CDH13: variants seen among roughly 807,000 people sequenced by gnomAD.
CDH13 encodes cadherin-13.
CDH13 carries 24 observed loss-of-function variants against 63.8 expected under a neutral mutation model. That is an observed-to-expected ratio of 0.38 (90% CI 0.27 to 0.53). The LOEUF is 0.53. Ranked by LOEUF, CDH13 falls within the 20% of genes least tolerant of loss-of-function variation. CDH13 has a pLI of 0.85. For synonymous variants in CDH13, 503 were observed against 355.3 expected (o/e 1.42, Z -4.67); for missense variants, 1,049 against 903.1 (o/e 1.16, Z -2.07).
intron 7 of CDH13, among the ~76,000 whole-genome samples, chr16:83,602,208 C>T (rs192230319): frequency 7.0e-6 from 1 of 143,254 alleles, no homozygotes; most frequent in Non-Finnish European, 1.5e-5. Context: ...AAATGTCTCC[C>T]TAAAAAAGAA....
intron 3 of CDH13, among the ~76,000 whole-genome samples, chr16:83,061,924 C>G (rs1040502491): frequency 6.6e-6 from 1 of 152,140 alleles, no homozygotes; most frequent in African/African-American, 2.4e-5. Flanking sequence ...GAAGGAGAGG[C>G]CCTCTAGAGA....
At chr16:83,201,663 T>C (rs868023160) in intron 4 of CDH13, among the ~76,000 whole-genome samples, 1 of 151,378 alleles carries the variant, frequency 6.6e-6, no homozygotes, top group Non-Finnish European at 1.5e-5. Context: ...TTTGGGAGGC[T>C]GAGGCGGGCA....
chr16:83,201,777 C>T (rs890630392), intron 4 of CDH13, among the ~76,000 whole-genome samples: 5 of 151,242 alleles, frequency 3.3e-5, no homozygotes, highest in Non-Finnish European at 7.4e-5. Context: ...ATTAGCCGGG[C>T]GTGGTAGCGG....
At chr16:83,179,815 T>C (rs1447677470) in intron 4 of CDH13, among the ~76,000 whole-genome samples, 1 of 152,152 alleles carries the variant, frequency 6.6e-6, no homozygotes, top group East Asian at 1.9e-4. Flanking sequence ...TGACTTATAT[T>C]TTCCACTTAA....
At chr16:82,981,089 G>A (rs557521060) in intron 2 of CDH13, among the ~76,000 whole-genome samples, 1 of 152,136 alleles carries the variant, frequency 6.6e-6, no homozygotes, top group East Asian at 1.9e-4. Context: ...CATTCTAGGT[G>A]GTTTCCAAAA....
chr16:83,006,691 T>G (rs9926878), intron 2 of CDH13, among the ~76,000 whole-genome samples: 59,653 of 151,916 alleles, frequency 0.39, 11,885 homozygotes, highest in Middle Eastern at 0.43. Context: ...AGTTTGAAGC[T>G]AGCCAGGAGC....
rs1228596891 is a variant in CDH13 at position 82,769,252 on chromosome 16, AATC to A, written c.46-89105_46-89103del. On this transcript the variant is annotated intron_variant, in intron 1 of 13. Transcript: ENST00000567109. ...GCTTGAAAGCGTGCTGCAACAAATA[AATC>A]ATCAAAGTTGCAGGTATACTTAAAC... is the stretch of plus-strand genomic sequence containing the variant. Among the ~76,000 whole-genome samples the A allele has an allele frequency of 5.9e-5, 9 of 152,160 alleles. No individual in the cohort carries two copies. The East Asian group carries it at 1.7e-3, about 29-fold the overall frequency.
At chr16:83,636,705 G>C (rs1911295271) in intron 8 of CDH13, among the ~76,000 whole-genome samples, 1 of 152,176 alleles carries the variant, frequency 6.6e-6, no homozygotes, top group South Asian at 2.1e-4. Flanking sequence ...GTTGTGTATA[G>C]TGCTGCAATG....
At chr16:82,899,668 T>C (rs565086499) in intron 2 of CDH13, among the ~76,000 whole-genome samples, 324 of 152,268 alleles carry the variant, frequency 2.1e-3, no homozygotes, top group Non-Finnish European at 3.3e-3. Flanking sequence ...ATTGAGAGCA[T>C]TTTTGCACTG....
intron 1 of CDH13, among the ~76,000 whole-genome samples, chr16:82,720,392 C>G (rs2032690491): frequency 6.6e-6 from 1 of 152,096 alleles, no homozygotes; most frequent in African/African-American, 2.4e-5. Flanking sequence ...TTAATTAATT[C>G]ACCTTCCAAA....
At chr16:82,748,283 C>A (rs2034266604) in intron 1 of CDH13, among the ~76,000 whole-genome samples, 1 of 152,216 alleles carries the variant, frequency 6.6e-6, no homozygotes, top group Non-Finnish European at 1.5e-5. Flanking sequence ...TTCATGTTCC[C>A]ATCCAGAAGA....
intron 2 of CDH13, among the ~76,000 whole-genome samples, chr16:82,882,895 G>A (rs750294216): frequency 1.3e-5 from 2 of 152,122 alleles, no homozygotes; most frequent in Non-Finnish European, 2.9e-5. Context: ...TTCTTAAAAT[G>A]GAGCTGTTTA....
intron 1 of CDH13, among the ~76,000 whole-genome samples, chr16:82,777,603 C>T (rs549065260): frequency 6.6e-6 from 1 of 152,206 alleles, no homozygotes; most frequent in African/African-American, 2.4e-5. Flanking sequence ...CACCCCAAAA[C>T]TTAGCAGCTT....
At chr16:82,659,340 A>G (rs1047642372) in intron 1 of CDH13, among the ~76,000 whole-genome samples, 1 of 152,212 alleles carries the variant, frequency 6.6e-6, no homozygotes, top group African/African-American at 2.4e-5. Flanking sequence ...GGTATAGGTC[A>G]TAATCCTGGA....
chr16:83,374,274 G>T (rs915554388), intron 6 of CDH13, among the ~76,000 whole-genome samples: 3 of 152,130 alleles, frequency 2.0e-5, no homozygotes, highest in Non-Finnish European at 4.4e-5. Context: ...CCAGGTAAAA[G>T]GTTTCTTGCA....
At chr16:83,306,278 G>C (rs111383440) in intron 5 of CDH13, among the ~76,000 whole-genome samples, 43 of 152,186 alleles carry the variant, frequency 2.8e-4, no homozygotes, top group Non-Finnish European at 6.2e-4. Context: ...TCCCACCAAG[G>C]CTTATGTAGA....
At chr16:83,555,158 AAG>A (rs1414087350) in intron 7 of CDH13, among the ~76,000 whole-genome samples, 6 of 152,174 alleles carry the variant, frequency 3.9e-5, no homozygotes, top group Non-Finnish European at 8.8e-5. Flanking sequence ...AGCAGCTTGA[AAG>A]AGGGGAGATT....
intron 11 of CDH13, among the ~76,000 whole-genome samples, chr16:83,771,301 T>A (rs1914746179): frequency 6.6e-6 from 1 of 152,198 alleles, no homozygotes; most frequent in Non-Finnish European, 1.5e-5. Flanking sequence ...GCAGGCCAGG[T>A]GGCCAACTTG....
intron 3 of CDH13, among the ~76,000 whole-genome samples, chr16:83,042,468 G>C (rs972942716): frequency 6.6e-6 from 1 of 152,104 alleles, no homozygotes; most frequent in Non-Finnish European, 1.5e-5. Context: ...TGTAGTCGCA[G>C]GAAAACAAGC....
Sources: gnomAD v4.1 joint callset for allele counts (sites outside exome capture counted in the v4.1 genomes callset) on GRCh38, gnomAD v4.1.1 for gene constraint, MANE v1.5 for transcripts, NCBI Gene and HGNC (gene_info 2026-07-23, HGNC 2026-07-21) for gene names.